Variants in PCDHGA3 observed in about 807,000 individuals in gnomAD.
PCDHGA3 encodes the protein protocadherin gamma-A3.
Under a neutral mutation model 58.5 loss-of-function variants are expected in PCDHGA3, and 40 were observed. That is an observed-to-expected ratio of 0.68 (90% CI 0.53 to 0.89). The LOEUF is 0.89. Ranked by LOEUF, PCDHGA3 falls within the 40% of genes least tolerant of loss-of-function variation. PCDHGA3 has a pLI of 0.00. For missense variants in PCDHGA3, 1,223 were observed against 1,195.9 expected, an observed-to-expected ratio of 1.02 and a Z score of -0.33; for synonymous variants, 530 against 525.7, an observed-to-expected ratio of 1.01 and a Z score of -0.11.
At chr5:141,386,155 C>A (rs763846568) in intron 1 of PCDHGA3, among the ~76,000 whole-genome samples, 73 of 152,278 alleles carry the variant, frequency 4.8e-4, no homozygotes, top group Middle Eastern at 3.4e-3. Flanking sequence ...AACTGTCTCA[C>A]GTACTCAAAC....
intron 2 of PCDHGA3, among the ~76,000 whole-genome samples, chr5:141,505,122 A>G (rs2099843899): frequency 6.6e-6 from 1 of 152,194 alleles, no homozygotes; most frequent in Non-Finnish European, 1.5e-5. Context: ...AGATCGCGCC[A>G]CTGCACTCCA....
chr5:141,347,424 C>A (rs1015166008), intron 1 of PCDHGA3, among the ~76,000 whole-genome samples: 1 of 151,938 alleles, frequency 6.6e-6, no homozygotes, highest in Non-Finnish European at 1.5e-5. Context: ...CAAAGTACTG[C>A]GATTAGAGGC....
chr5:141,394,004 A>G (rs1220367944), intron 1 of PCDHGA3: 6 of 1,613,378 alleles, frequency 3.7e-6, no homozygotes, highest in Non-Finnish European at 4.2e-6. Context: ...TAGAAAAGTC[A>G]ATAGGTAATT....
At chr5:141,378,951 C>T (rs1775267163) in intron 1 of PCDHGA3, 1 of 152,180 alleles carries the variant, frequency 6.6e-6, no homozygotes, top group South Asian at 2.1e-4. Context: ...GAATGGAGTA[C>T]AGGGGATTCT....
At chr5:141,428,618 T>C (rs554092834) in intron 1 of PCDHGA3, 1 of 206,012 alleles carries the variant, frequency 4.9e-6, no homozygotes, top group African/African-American at 2.3e-5. Context: ...AATAACAAGA[T>C]AAGCTCTAAC....
chr5:141,356,149 A>G (rs778376727), intron 1 of PCDHGA3: 40 of 1,613,418 alleles, frequency 2.5e-5, no homozygotes, highest in Non-Finnish European at 3.2e-5. Flanking sequence ...ATTCTATGAC[A>G]TAGATGTAGA....
intron 1 of PCDHGA3, chr5:141,399,391 G>C: frequency 2.5e-6 from 4 of 1,613,964 alleles, no homozygotes; most frequent in Non-Finnish European, 3.4e-6. Flanking sequence ...CACAGCCACA[G>C]ACAGGGGCAA....
Position 141,512,559 on chromosome 5 carries a change from C to T in PCDHGA3, c.*1386C>T, listed in dbSNP as rs1396321304. The T allele has an allele frequency of 6.5e-6, 1 of 152,904 alleles. No individual in the cohort carries two copies. The highest frequency in any genetic ancestry group is 1.5e-5 in the Non-Finnish European group (1 of 68,438). The allele number at this position is 152,904 out of a possible 1,614,324, so 9.5% of individuals were successfully genotyped here. ...CCCCAGTGCCTCCTTGTGCATAGAC[C>T]TTCTTCTCCCACCCCCTTCTGCCCC... On this transcript the variant is annotated 3_prime_UTR_variant, in exon 4 of 4. Coordinates refer to ENST00000253812, the MANE Select transcript of PCDHGA3 (RefSeq NM_018916.4).
chr5:141,377,664 C>G (rs1042522537), intron 1 of PCDHGA3: 2 of 151,600 alleles, frequency 1.3e-5, no homozygotes, highest in African/African-American at 2.4e-5. Context: ...AAACGACAGA[C>G]GTTCATACAA....
At chr5:141,413,924 A>T in intron 1 of PCDHGA3, 1 of 1,613,408 alleles carries the variant, frequency 6.2e-7, no homozygotes, top group Non-Finnish European at 8.5e-7. Context: ...ACCTTGCCAG[A>T]ATACCGAGTG....
intron 1 of PCDHGA3, chr5:141,349,964 T>TA (rs1409228521): frequency 3.8e-6 from 1 of 264,224 alleles, no homozygotes; most frequent in Non-Finnish European, 7.0e-6. Context: ...AAAGACAGGG[T>TA]ACATAGATTC....
chr5:141,407,505 T>TTTTTTTTTTTTTTTTTTTTTTG (rs1460306566), intron 1 of PCDHGA3, among the ~76,000 whole-genome samples: 3 of 152,144 alleles, frequency 2.0e-5, no homozygotes, highest in African/African-American at 4.8e-5. Flanking sequence ...CTGTTTTTCT[T>TTTTTTTTTTTTTTTTTTTTTTG]AGGCTATGTA....
chr5:141,414,181 A>G, intron 1 of PCDHGA3: 2 of 1,609,294 alleles, frequency 1.2e-6, no homozygotes, highest in South Asian at 1.1e-5. Context: ...TGCAACTGCA[A>G]AAGTGTTGAT....
At chr5:141,436,214 A>G (rs1242199916) in intron 1 of PCDHGA3, among the ~76,000 whole-genome samples, 5 of 152,160 alleles carry the variant, frequency 3.3e-5, no homozygotes, top group African/African-American at 7.2e-5. Context: ...AGGAAAACAA[A>G]TGACTTGGGA....
chr5:141,365,878 T>C (rs745332841), intron 1 of PCDHGA3: 4 of 1,614,104 alleles, frequency 2.5e-6, no homozygotes. Context: ...TCCTGTATGC[T>C]CTGAGATCCT....
At chr5:141,368,582 T>C (rs1765741936) in intron 1 of PCDHGA3, among the ~76,000 whole-genome samples, 1 of 152,032 alleles carries the variant, frequency 6.6e-6, no homozygotes, top group African/African-American at 2.4e-5. Flanking sequence ...TAGGGTAAGG[T>C]GTTTGGGAAA....
In PCDHGA3 at chr5:141,440,050, G is replaced by C. The variant is rs747798063; in HGVS notation, c.2425-54757G>C. On this transcript the variant is annotated intron_variant, in intron 1 of 3. Coordinates refer to ENST00000253812, the MANE Select transcript of PCDHGA3 (RefSeq NM_018916.4). ...GTGTCGAGGACATGCCCACTTGAAA[G>C]CTTCGGGTTAATGCTGAGGAATAAT... 6 of 152,826 alleles carry C rather than the reference G, an allele frequency of 3.9e-5. No homozygotes were observed. The East Asian group carries it at 1.2e-3, about 29-fold the overall frequency. 9.5% of individuals were successfully genotyped at this position (152,826 alleles called of 1,614,324 possible). A position where few individuals can be genotyped will look rare whatever the true frequency, so the allele number is the denominator to read the frequency against.
rs769767532 is a variant in PCDHGA3, at chr5:141,346,237, C to A, written c.2204C>A (p.Thr735Lys). ...LQASGGGLAS[T>K]PGSHFVGADG... is the part of the protein sequence containing the mutation. The stretch of plus-strand genomic sequence containing the variant: ...GCTTCGGGAGGCGGCTTGGCGAGTA[C>A]GCCCGGCTCGCACTTTGTGGGCGCG... Residue 735 changes from threonine (T) to lysine (K), a missense_variant, in exon 1 of 4, where the codon ACG becomes AAG. Coordinates refer to ENST00000253812, the MANE Select transcript of PCDHGA3 (RefSeq NM_018916.4). 2 of 1,614,144 alleles carry A rather than the reference C, an allele frequency of 1.2e-6. No homozygotes were observed. The highest frequency in any genetic ancestry group is 1.7e-6 in the Non-Finnish European group (2 of 1,180,042).
At chr5:141,451,127 CT>C (rs1264048458) in intron 1 of PCDHGA3, among the ~76,000 whole-genome samples, 1 of 152,132 alleles carries the variant, frequency 6.6e-6, no homozygotes, top group Non-Finnish European at 1.5e-5. Context: ...CACACCCAGC[CT>C]TATGATTGTA....
Sources: allele counts gnomAD v4.1 joint callset (sites outside exome capture counted in the v4.1 genomes callset), GRCh38; gene constraint gnomAD v4.1.1; transcripts MANE v1.5; gene names NCBI Gene and HGNC (gene_info 2026-07-23, HGNC 2026-07-21).